Variants in KCNIP4 observed in about 807,000 individuals in gnomAD.
KCNIP4 encodes potassium voltage-gated channel interacting protein 4.
KCNIP4 carries 12 observed loss-of-function variants against 34.0 expected under a neutral mutation model. The observed-to-expected ratio is 0.35, with a 90% confidence interval of 0.23 to 0.57. KCNIP4 has a LOEUF of 0.57. Ranked by LOEUF, KCNIP4 falls within the 20% of genes least tolerant of loss-of-function variation. The pLI, the probability that KCNIP4 is intolerant of heterozygous loss-of-function variation, is 0.83. For synonymous variants in KCNIP4, 124 were observed against 102.2 expected (o/e 1.21, Z -1.29); for missense variants, 238 against 311.7 (o/e 0.76, Z 1.78).
intron 1 of KCNIP4, among the ~76,000 whole-genome samples, chr4:21,140,901 C>T (rs1751901345): frequency 6.6e-6 from 1 of 152,198 alleles, no homozygotes; most frequent in Non-Finnish European, 1.5e-5. Flanking sequence ...CAGCCTGCCT[C>T]TGTCTCCACC....
At chr4:21,397,183 C>G (rs1022076233) in intron 1 of KCNIP4, among the ~76,000 whole-genome samples, 6 of 152,096 alleles carry the variant, frequency 3.9e-5, no homozygotes, top group African/African-American at 1.4e-4. Flanking sequence ...AAGCAAAAGC[C>G]CTTATACTTG....
intron 1 of KCNIP4, among the ~76,000 whole-genome samples, chr4:21,944,281 C>T (rs1167838768): frequency 2.0e-5 from 3 of 151,946 alleles, no homozygotes; most frequent in Non-Finnish European, 2.9e-5. Flanking sequence ...CGGTAGCTCA[C>T]GCCTGTAATC....
intron 1 of KCNIP4, among the ~76,000 whole-genome samples, chr4:21,586,174 A>G (rs1741591721): frequency 6.6e-6 from 1 of 152,134 alleles, no homozygotes; most frequent in Admixed American, 6.6e-5. Context: ...CTATTCTAGT[A>G]TCATCCTGTA....
chr4:21,474,303 TG>T (rs1199093133), intron 1 of KCNIP4, among the ~76,000 whole-genome samples: 1 of 152,172 alleles, frequency 6.6e-6, no homozygotes, highest in African/African-American at 2.4e-5. Flanking sequence ...TTATTGAAAC[TG>T]CCACAGTGCA....
In KCNIP4 at chr4:21,200,354, G is replaced by GTATA. The variant is rs1205574338; in HGVS notation, c.62-317649_62-317646dup. Among the ~76,000 whole-genome samples the GTATA allele has an allele frequency of 2.5e-4, 15 of 60,688 alleles. 1 individual carries two copies. Among genetic ancestry groups the GTATA allele is most frequent in the African/African-American group, 8.3e-4 (7 of 8,390 alleles). 39.8% of individuals were successfully genotyped at this position (60,688 alleles called of 152,430 possible). ...TATATATATACATACATATATGTGT[G>GTATA]TATATATATATACATACATATATGT... On this transcript the variant is annotated intron_variant, in intron 1 of 8. Coordinates refer to ENST00000382152, the MANE Select transcript of KCNIP4 (RefSeq NM_025221.6).
chr4:20,736,308 A>C (rs1175973710), intron 5 of KCNIP4, among the ~76,000 whole-genome samples: 1 of 152,172 alleles, frequency 6.6e-6, no homozygotes, highest in Non-Finnish European at 1.5e-5. Context: ...AATACATCGT[A>C]GTTTATTTAA....
chr4:20,893,622 C>T (rs372520856), intron 1 of KCNIP4, among the ~76,000 whole-genome samples: 2 of 148,244 alleles, frequency 1.3e-5, no homozygotes, highest in African/African-American at 5.0e-5. Flanking sequence ...TGGGGTCTTG[C>T]GATGTTGCCC....
intron 1 of KCNIP4, among the ~76,000 whole-genome samples, chr4:21,939,271 T>C (rs1258108878): frequency 6.6e-6 from 1 of 152,172 alleles, no homozygotes; most frequent in African/African-American, 2.4e-5. Flanking sequence ...GGAGGTTACA[T>C]CCATAACTTT....
intron 1 of KCNIP4, among the ~76,000 whole-genome samples, chr4:21,073,665 A>C (rs1229990190): frequency 6.6e-6 from 1 of 152,202 alleles, no homozygotes; most frequent in Non-Finnish European, 1.5e-5. Context: ...CAGAACTTCC[A>C]ACACTATGTT....
At chr4:21,309,597 G>A (rs1196341557) in intron 1 of KCNIP4, among the ~76,000 whole-genome samples, 3 of 152,130 alleles carry the variant, frequency 2.0e-5, no homozygotes, top group South Asian at 2.1e-4. Context: ...CTAGCACACG[G>A]AGCACTTTAT....
At chr4:21,147,952 A>AG in intron 1 of KCNIP4, among the ~76,000 whole-genome samples, 5 of 137,720 alleles carry the variant, frequency 3.6e-5, no homozygotes, top group Non-Finnish European at 7.8e-5. Flanking sequence ...AAAAAAAAAA[A>AG]AAAAAAAAGA....
chr4:20,893,770 CAAA>C (rs1011788758), intron 1 of KCNIP4, among the ~76,000 whole-genome samples: 2 of 151,870 alleles, frequency 1.3e-5, no homozygotes, highest in African/African-American at 4.8e-5. Flanking sequence ...GCAGCCAAAG[CAAA>C]AAGGAATTTA....
At chr4:20,749,823 A>C in intron 4 of KCNIP4, 91 bp from the exon 5 acceptor site, 1 of 756,052 alleles carries the variant, frequency 1.3e-6, no homozygotes, top group South Asian at 1.9e-5. Flanking sequence ...TTGATCCAGA[A>C]GAATTAACTC....
intron 1 of KCNIP4, among the ~76,000 whole-genome samples, chr4:21,349,973 G>C (rs1373334362): frequency 6.6e-6 from 1 of 152,098 alleles, no homozygotes; most frequent in Non-Finnish European, 1.5e-5. Flanking sequence ...CCTGTGGGTG[G>C]ACTAGAGTTA....
At chr4:21,795,123 G>A (rs1454492204) in intron 1 of KCNIP4, among the ~76,000 whole-genome samples, 3 of 152,130 alleles carry the variant, frequency 2.0e-5, no homozygotes, top group African/African-American at 7.2e-5. Context: ...CCTTTAAGGA[G>A]GTGATGAAGT....
intron 1 of KCNIP4, among the ~76,000 whole-genome samples, chr4:21,154,728 A>G (rs1167806520): frequency 6.6e-6 from 1 of 152,220 alleles, no homozygotes; most frequent in East Asian, 1.9e-4. Flanking sequence ...GTATGTTAGA[A>G]GTGATGTGTG....
intron 1 of KCNIP4, among the ~76,000 whole-genome samples, chr4:21,233,958 A>G (rs1759003096): frequency 7.2e-6 from 1 of 138,594 alleles, no homozygotes; most frequent in Non-Finnish European, 1.5e-5. Context: ...TATAACATAT[A>G]TAACATATAT....
intron 1 of KCNIP4, among the ~76,000 whole-genome samples, chr4:21,176,348 AC>A (rs1754407513): frequency 6.6e-6 from 1 of 152,056 alleles, no homozygotes; most frequent in African/African-American, 2.4e-5. Flanking sequence ...GGAAGAGGGG[AC>A]CAAAAGAGGC....
intron 1 of KCNIP4, among the ~76,000 whole-genome samples, chr4:21,928,825 A>G (rs193203144): frequency 6.6e-6 from 1 of 151,848 alleles, no homozygotes; most frequent in African/African-American, 2.4e-5. Flanking sequence ...TTTATTCCCT[A>G]ATGTCCCCAA....
Sources: allele counts gnomAD v4.1 joint callset (sites outside exome capture counted in the v4.1 genomes callset), GRCh38; gene constraint gnomAD v4.1.1; transcripts MANE v1.5; gene names NCBI Gene and HGNC (gene_info 2026-07-23, HGNC 2026-07-21).